PLCB1: variants seen among roughly 807,000 people sequenced by gnomAD.
PLCB1 encodes the protein 1-phosphatidylinositol 4,5-bisphosphate phosphodiesterase beta-1.
Under a neutral mutation model 161.8 loss-of-function variants are expected in PLCB1, and 46 were observed. That is an observed-to-expected ratio of 0.28 (90% CI 0.22 to 0.36). The LOEUF (loss-of-function observed/expected upper bound fraction) is 0.36. Ranked by LOEUF, PLCB1 falls within the 10% of genes least tolerant of loss-of-function variation. The pLI is 1.00. For missense variants in PLCB1, 1,016 were observed against 1,472.5 expected (o/e 0.69, Z 5.07); for synonymous variants, 517 against 503.7 (o/e 1.03, Z -0.35).
intron 3 of PLCB1, among the ~76,000 whole-genome samples, chr20:8,374,622 G>A (rs1987015553): frequency 6.6e-6 from 1 of 152,068 alleles, no homozygotes; most frequent in African/African-American, 2.4e-5. Context: ...GAAGGTGTAG[G>A]GCCTGCAAGA....
chr20:8,756,932 T>G (rs892070242), intron 23 of PLCB1, 114 bp from the exon 24 acceptor site: 2 of 1,004,474 alleles, frequency 2.0e-6, no homozygotes, highest in Non-Finnish European at 2.9e-6. Context: ...AAATTTGATA[T>G]TTCCAACTCC....
chr20:8,654,743 G>GA (rs35051906), intron 7 of PLCB1, among the ~76,000 whole-genome samples: 3 of 151,922 alleles, frequency 2.0e-5, no homozygotes, highest in Non-Finnish European at 4.4e-5. Context: ...AGACAAACAG[G>GA]AAAAATGAAT....
At chr20:8,615,669 A>T (rs546233457) in intron 3 of PLCB1, among the ~76,000 whole-genome samples, 20 of 152,284 alleles carry the variant, frequency 1.3e-4, no homozygotes, top group Admixed American at 1.0e-3. Context: ...AGGGAAAAAA[A>T]TTTCAGAATT....
At chr20:8,354,224 T>G (rs1986287027) in intron 2 of PLCB1, among the ~76,000 whole-genome samples, 1 of 152,114 alleles carries the variant, frequency 6.6e-6, no homozygotes, top group Non-Finnish European at 1.5e-5. Context: ...TAAAAATGAT[T>G]AAAATTGTAA....
At chr20:8,498,569 G>A (rs1029905703) in intron 3 of PLCB1, among the ~76,000 whole-genome samples, 3 of 152,170 alleles carry the variant, frequency 2.0e-5, no homozygotes, top group Non-Finnish European at 4.4e-5. Context: ...ACAATCTCAA[G>A]GCGGCGGGGA....
chr20:8,365,909 G>A (rs1033992339), intron 2 of PLCB1, among the ~76,000 whole-genome samples: 2 of 152,140 alleles, frequency 1.3e-5, no homozygotes, highest in Non-Finnish European at 2.9e-5. Flanking sequence ...CAATAACAAT[G>A]CACAGAAATT....
chr20:8,752,819 C>T (rs145874778), intron 23 of PLCB1, among the ~76,000 whole-genome samples: 1,965 of 151,350 alleles, frequency 0.013, 15 homozygotes, highest in Middle Eastern at 0.035. Context: ...GTGTCTACAG[C>T]CCTTAGCAAA....
intron 31 of PLCB1, among the ~76,000 whole-genome samples, chr20:8,868,885 C>T (rs1048635119): frequency 4.6e-5 from 7 of 152,080 alleles, no homozygotes; most frequent in African/African-American, 1.4e-4. Context: ...CCACCCACCT[C>T]GGCCTCCCAA....
At chr20:8,401,414 A>G (rs918734368) in intron 3 of PLCB1, among the ~76,000 whole-genome samples, 6 of 152,208 alleles carry the variant, frequency 3.9e-5, no homozygotes, top group Admixed American at 1.3e-4. Context: ...ATTCTAAAAT[A>G]ATAAAGATTA....
chr20:8,135,556 A>G (rs1462799426), intron 1 of PLCB1, among the ~76,000 whole-genome samples: 2 of 152,172 alleles, frequency 1.3e-5, no homozygotes, highest in Admixed American at 1.3e-4. Context: ...ACCCTGTTGT[A>G]CCAGGGCCAG....
rs975311024 is a variant in PLCB1 at position 8,185,907 on chromosome 20, A to G, written c.177+35536A>G. ...AATGTTCTGTTTCCTAAATTGCTGCATGAATGAGGATATCTATCAAAATTG... is the reference window on the plus strand; with the variant it reads ...AATGTTCTGTTTCCTAAATTGCTGCGTGAATGAGGATATCTATCAAAATTG... On this transcript the variant is annotated intron_variant, in intron 2 of 31. Coordinates refer to ENST00000338037, the MANE Select transcript of PLCB1 (RefSeq NM_015192.4). 1.6e-4 allele frequency among the ~76,000 whole-genome samples: 25 copies of G among 152,282 alleles called. No homozygotes were observed. In the East Asian group the frequency reaches 4.6e-3, roughly 28 times the overall value.
intron 2 of PLCB1, among the ~76,000 whole-genome samples, chr20:8,310,201 A>T (rs1255215511): frequency 7.9e-5 from 12 of 152,152 alleles, no homozygotes; most frequent in African/African-American, 2.9e-4. Context: ...TCCCTTTGGA[A>T]ATATTTTCTT....
At chr20:8,668,531 A>G (rs1989870392) in intron 9 of PLCB1, among the ~76,000 whole-genome samples, 1 of 152,214 alleles carries the variant, frequency 6.6e-6, no homozygotes, top group Admixed American at 6.6e-5. Flanking sequence ...CCCAGAAGCC[A>G]ACTTTGAAAG....
intron 3 of PLCB1, among the ~76,000 whole-genome samples, chr20:8,401,390 C>A (rs573700848): frequency 7.9e-5 from 12 of 152,110 alleles, no homozygotes; most frequent in Admixed American, 6.5e-5. Context: ...AACAGAGCAC[C>A]GCTTGGAATA....
At chr20:8,322,384 C>A (rs1421877642) in intron 2 of PLCB1, among the ~76,000 whole-genome samples, 1 of 152,046 alleles carries the variant, frequency 6.6e-6, no homozygotes, top group Non-Finnish European at 1.5e-5. Flanking sequence ...CCCCATGTGT[C>A]TTTTTTCCCT....
intron 3 of PLCB1, among the ~76,000 whole-genome samples, chr20:8,627,896 T>C (rs1988407591): frequency 6.6e-6 from 1 of 152,190 alleles, no homozygotes; most frequent in Non-Finnish European, 1.5e-5. Context: ...TACGTAGGCA[T>C]TGTCATATTT....
At chr20:8,837,958 C>A (rs1381591184) in intron 31 of PLCB1, among the ~76,000 whole-genome samples, 1 of 152,056 alleles carries the variant, frequency 6.6e-6, no homozygotes, top group Non-Finnish European at 1.5e-5. Flanking sequence ...TTCTCTAACT[C>A]ACAGAGAACC....
intron 2 of PLCB1, among the ~76,000 whole-genome samples, chr20:8,161,546 G>A (rs1476508850): frequency 6.6e-6 from 1 of 152,206 alleles, no homozygotes; most frequent in Non-Finnish European, 1.5e-5. Context: ...TAAAGAACCT[G>A]TTTAATATGT....
At chr20:8,666,445 G>A (rs1263180612) in intron 9 of PLCB1, among the ~76,000 whole-genome samples, 1 of 152,234 alleles carries the variant, frequency 6.6e-6, no homozygotes, top group East Asian at 1.9e-4. Context: ...AAGAGGCTGT[G>A]CCTCATCATT....
Sources: allele counts gnomAD v4.1 joint callset (sites outside exome capture counted in the v4.1 genomes callset), GRCh38; gene constraint gnomAD v4.1.1; transcripts MANE v1.5; gene names NCBI Gene and HGNC (gene_info 2026-07-23, HGNC 2026-07-21).